MYRIP: variants seen among roughly 807,000 people sequenced by gnomAD.
MYRIP encodes the protein rab effector MyRIP.
A neutral mutation model predicts 98.0 loss-of-function variants in MYRIP; 49 were observed. The ratio of observed to expected loss-of-function variants is 0.50; its 90% confidence interval spans 0.40 to 0.63. MYRIP has a LOEUF of 0.63. Ranked by LOEUF, MYRIP falls within the 30% of genes least tolerant of loss-of-function variation. The probability of loss-of-function intolerance (pLI) is 0.00; values close to 1 mark genes in which losing one functional copy is unlikely to be tolerated. For missense variants in MYRIP, 1,004 were observed against 1,058.2 expected (o/e 0.95, Z 0.71); for synonymous variants, 404 against 409.5 (o/e 0.99, Z 0.16).
At chr3:39,975,847 T>A (rs1945736772) in intron 2 of MYRIP, among the ~76,000 whole-genome samples, 1 of 152,202 alleles carries the variant, frequency 6.6e-6, no homozygotes, top group African/African-American at 2.4e-5. Flanking sequence ...GCTAGCCATA[T>A]GTAGAAAGCT....
rs187689513 is a variant in MYRIP, at chr3:39,885,811, C to T, written c.-30-14976C>T. On this transcript the variant is annotated intron_variant, in intron 1 of 16. Transcript: ENST00000302541. ...CATTGGCTCCTGAGGCTTCTACATT[C>T]TTCACGTAGTTCTCAAGCCTTGGTT... Among the ~76,000 whole-genome samples, 674 of 152,198 alleles carry T rather than the reference C, an allele frequency of 4.4e-3. 14 individuals are homozygous for T. Among genetic ancestry groups the T allele is most frequent in the Admixed American group, 0.039 (600 of 15,260 alleles).
intron 3 of MYRIP, among the ~76,000 whole-genome samples, chr3:40,092,584 G>A (rs1174350698): frequency 6.6e-6 from 1 of 152,178 alleles, no homozygotes; most frequent in Admixed American, 6.5e-5. Flanking sequence ...TGAAGGGAAG[G>A]TGAAGGTTCT....
intron 11 of MYRIP, among the ~76,000 whole-genome samples, chr3:40,218,598 C>CACATAT (rs143584008): frequency 5.0e-3 from 70 of 14,028 alleles, no homozygotes; most frequent in Non-Finnish European, 0.015. Flanking sequence ...CACACACACA[C>CACATAT]ATATATATAT....
chr3:39,838,487 TTTTG>T (rs1941693332), intron 1 of MYRIP, among the ~76,000 whole-genome samples: 1 of 152,190 alleles, frequency 6.6e-6, no homozygotes, highest in Non-Finnish European at 1.5e-5. Flanking sequence ...TTGTCATTGG[TTTTG>T]TTTATGTGAT....
At chr3:39,913,483 T>A (rs938376230) in intron 2 of MYRIP, among the ~76,000 whole-genome samples, 3 of 152,154 alleles carry the variant, frequency 2.0e-5, no homozygotes, top group African/African-American at 7.2e-5. Flanking sequence ...CTAAAAAGAT[T>A]TCTGGGGTGA....
chr3:40,139,128 C>T (rs1949841840), intron 3 of MYRIP, among the ~76,000 whole-genome samples: 1 of 152,190 alleles, frequency 6.6e-6, no homozygotes, highest in Admixed American at 6.5e-5. Flanking sequence ...CAGTTCTATA[C>T]ATGTTGCCAT....
chr3:39,905,417 C>T (rs1943854654), intron 2 of MYRIP, among the ~76,000 whole-genome samples: 1 of 151,972 alleles, frequency 6.6e-6, no homozygotes, highest in South Asian at 2.1e-4. Flanking sequence ...CTTATATTAC[C>T]CTTGTCTTTT....
intron 2 of MYRIP, among the ~76,000 whole-genome samples, chr3:39,979,741 G>C (rs1238394536): frequency 6.6e-6 from 1 of 151,868 alleles, no homozygotes; most frequent in Non-Finnish European, 1.5e-5. Flanking sequence ...TTCACTGGGA[G>C]ATGCAGGCAA....
intron 2 of MYRIP, among the ~76,000 whole-genome samples, chr3:40,001,335 AG>A (rs1946515583): frequency 6.6e-6 from 1 of 152,200 alleles, no homozygotes; most frequent in South Asian, 2.1e-4. Flanking sequence ...TAAATGGCAA[AG>A]GATGTGGAAA....
intron 3 of MYRIP, among the ~76,000 whole-genome samples, chr3:40,115,086 A>C (rs1000649663): frequency 1.3e-5 from 2 of 152,216 alleles, no homozygotes; most frequent in Admixed American, 1.3e-4. Context: ...ATATCAGTAT[A>C]TCTGATATGA....
chr3:40,037,204 G>A (rs535802861), intron 2 of MYRIP, among the ~76,000 whole-genome samples: 3 of 152,218 alleles, frequency 2.0e-5, no homozygotes, highest in East Asian at 3.9e-4. Context: ...AAAGCAGTCA[G>A]CTACACATTT....
intron 2 of MYRIP, among the ~76,000 whole-genome samples, chr3:39,954,587 A>C (rs1945108711): frequency 6.6e-6 from 1 of 152,184 alleles, no homozygotes; most frequent in African/African-American, 2.4e-5. Context: ...GAAAAGCTGA[A>C]AATTCTAAAA....
At chr3:39,885,779 T>G (rs1183940911) in intron 1 of MYRIP, among the ~76,000 whole-genome samples, 2 of 152,134 alleles carry the variant, frequency 1.3e-5, no homozygotes, top group Admixed American at 6.6e-5. Flanking sequence ...TATCTTCCAG[T>G]TGATCGCATT....
chr3:39,816,957 T>C (rs1940938113), intron 1 of MYRIP, among the ~76,000 whole-genome samples: 1 of 152,232 alleles, frequency 6.6e-6, no homozygotes, highest in South Asian at 2.1e-4. Context: ...AAAACATTCA[T>C]TAATGAATTG....
chr3:40,176,656 G>A (rs758422799), intron 8 of MYRIP, among the ~76,000 whole-genome samples: 6 of 151,930 alleles, frequency 3.9e-5, no homozygotes, highest in South Asian at 2.1e-4. Flanking sequence ...GCCTGTAATC[G>A]CAGCACTTTG....
chr3:39,964,258 CA>C (rs2125736426), intron 2 of MYRIP, among the ~76,000 whole-genome samples: 1 of 152,008 alleles, frequency 6.6e-6, no homozygotes, highest in East Asian at 1.9e-4. Flanking sequence ...CTACTACTTC[CA>C]AAGTATTTTA....
chr3:39,862,338 T>G (rs543418680), intron 1 of MYRIP, among the ~76,000 whole-genome samples: 1 of 151,694 alleles, frequency 6.6e-6, no homozygotes, highest in African/African-American at 2.4e-5. Context: ...CTGAAGGGAG[T>G]GCTAAATATG....
At chr3:39,988,573 G>A (rs1946094969) in intron 2 of MYRIP, among the ~76,000 whole-genome samples, 1 of 151,984 alleles carries the variant, frequency 6.6e-6, no homozygotes, top group African/African-American at 2.4e-5. Context: ...CTAGGTTGGG[G>A]AAGTTCTCCT....
chr3:39,924,200 T>A (rs1944363837), intron 2 of MYRIP, among the ~76,000 whole-genome samples: 1 of 152,074 alleles, frequency 6.6e-6, no homozygotes, highest in South Asian at 2.1e-4. Context: ...AAAGTGGATT[T>A]AAAAAACATA....
Sources: allele counts gnomAD v4.1 joint callset (sites outside exome capture counted in the v4.1 genomes callset), GRCh38; gene constraint gnomAD v4.1.1; transcripts MANE v1.5; gene names NCBI Gene and HGNC (gene_info 2026-07-23, HGNC 2026-07-21).